DNMT3A: variants seen among roughly 807,000 people sequenced by gnomAD.
The protein encoded by DNMT3A is DNA methyltransferase 3 alpha.
Under a neutral mutation model 117.6 loss-of-function variants are expected in DNMT3A, and 267 were observed. The ratio of observed to expected loss-of-function variants is 2.27; its 90% CI spans 2.05 to 2.51. The LOEUF (loss-of-function observed/expected upper bound fraction) is 2.51. Ranked by LOEUF, DNMT3A falls within the 30% of genes most tolerant of loss-of-function variation. The probability of loss-of-function intolerance (pLI) is 0.00; values close to 1 mark genes in which losing one functional copy is unlikely to be tolerated. For synonymous variants in DNMT3A, 432 were observed against 474.8 expected (o/e 0.91, Z 1.17); for missense variants, 1,029 against 1,260.2 (o/e 0.82, Z 2.78).
intron 1 of DNMT3A, among the ~76,000 whole-genome samples, chr2:25,326,987 G>A (rs1033811799): frequency 6.6e-6 from 1 of 152,228 alleles, no homozygotes; most frequent in African/African-American, 2.4e-5. Flanking sequence ...AAATTCCAGA[G>A]GGTGGATTTC....
At chr2:25,249,581 C>T in intron 6 of DNMT3A, 1 of 1,538,686 alleles carries the variant, frequency 6.5e-7, no homozygotes. Context: ...ACCAGGCGTG[C>T]TCTCTGCCAT....
intron 1 of DNMT3A, chr2:25,328,710 C>T (rs1376847696): frequency 2.0e-6 from 1 of 511,954 alleles, no homozygotes; most frequent in Non-Finnish European, 4.0e-6. Context: ...CTAGAGCGAC[C>T]CCCCACAATC....
At chr2:25,328,842 TC>T (rs2034896617) in intron 1 of DNMT3A, 1 of 400,114 alleles carries the variant, frequency 2.5e-6, no homozygotes, top group South Asian at 1.8e-5. Context: ...CTGCCCCAGA[TC>T]CCCAAGGTGA....
At chr2:25,272,998 G>C (rs1244352891) in intron 6 of DNMT3A, among the ~76,000 whole-genome samples, 17 of 32,486 alleles carry the variant, frequency 5.2e-4, no homozygotes, top group Non-Finnish European at 8.1e-4. Context: ...TTTTGAGACA[G>C]AGTTTTGCTC....
In DNMT3A at chr2:25,298,879, C is replaced by G. The variant is rs1164926656; in HGVS notation, c.177+1260G>C. Among the ~76,000 whole-genome samples, 10 of 151,980 alleles carry G rather than the reference C, an allele frequency of 6.6e-5. No homozygotes were observed. Among genetic ancestry groups the G allele is most frequent in the African/African-American group, 2.2e-4 (9 of 41,354 alleles). On this transcript the variant is annotated intron_variant, in intron 3 of 22. Coordinates refer to ENST00000321117, the MANE Select transcript of DNMT3A (RefSeq NM_022552.5). This position sits in a 1 kb window ranked among gnomAD's most constrained non-coding sequence, Gnocchi z 4.3. ...GCCTCAAATCTTCAGGCAGAACTGG[C>G]AGGGGTGCATCTCAGTACACAGCAG...
chr2:25,257,136 G>T lies in DNMT3A; in HGVS notation c.640-8884C>A, dbSNP rs1296674826. Among the ~76,000 whole-genome samples, 1 of 152,208 alleles carries T rather than the reference G, an allele frequency of 6.6e-6. No individual in the cohort carries two copies. Among genetic ancestry groups the T allele is most frequent in the Admixed American group, 6.5e-5 (1 of 15,288 alleles). On this transcript the variant is annotated intron_variant, in intron 6 of 22. Transcript: ENST00000321117. The surrounding 1 kb of genome is among the most constrained non-coding windows in gnomAD (Gnocchi z 4.8). The stretch of plus-strand genomic sequence containing the variant: ...GTTGCAAGCAAATGACCAGGACTGG[G>T]CTGCTGGCAGTGAAGCTAAAAATAG...
At chr2:25,312,404 T>A (rs985115575) in intron 2 of DNMT3A, among the ~76,000 whole-genome samples, 8 of 152,226 alleles carry the variant, frequency 5.3e-5, no homozygotes, top group East Asian at 1.9e-4. Flanking sequence ...CCGCAGCGCA[T>A]GCTGGCTTTC....
intron 3 of DNMT3A, among the ~76,000 whole-genome samples, chr2:25,283,721 C>A (rs896536722): frequency 3.3e-5 from 5 of 152,226 alleles, no homozygotes; most frequent in Non-Finnish European, 5.9e-5. Flanking sequence ...CAAGGGAAAT[C>A]ATTTCTTTAT....
intron 1 of DNMT3A, among the ~76,000 whole-genome samples, chr2:25,340,137 C>A (rs2035359394): frequency 6.6e-6 from 1 of 152,100 alleles, no homozygotes; most frequent in South Asian, 2.1e-4. Flanking sequence ...TCGGCCCTGC[C>A]CACCCTCCCG....
rs79729643 is a variant in DNMT3A at position 25,306,085 on chromosome 2, G to A, written c.73-5842C>T. Among the ~76,000 whole-genome samples the A allele has an allele frequency of 2.0e-5, 3 of 152,192 alleles. No individual in the cohort carries two copies. Among genetic ancestry groups the A allele is most frequent in the African/African-American group, 4.8e-5 (2 of 41,448 alleles). ...CTGTGGTCATGGAATTCAGTGAAACGAATTGGCTTCTGCAAGAGGCAGAGC... is the reference window on the plus strand; with the variant it reads ...CTGTGGTCATGGAATTCAGTGAAACAAATTGGCTTCTGCAAGAGGCAGAGC... On this transcript the variant is annotated intron_variant, in intron 2 of 22. Coordinates refer to ENST00000321117, the MANE Select transcript of DNMT3A (RefSeq NM_022552.5). This position sits in a 1 kb window ranked among gnomAD's most constrained non-coding sequence, Gnocchi z 4.1.
rs909373509 is a variant in DNMT3A, at chr2:25,293,786, C to G, written c.177+6353G>C. 6.6e-6 allele frequency among the ~76,000 whole-genome samples: 1 copy of G among 152,226 alleles called. No individual in the cohort carries two copies. Among genetic ancestry groups the G allele is most frequent in the Non-Finnish European group, 1.5e-5 (1 of 68,040 alleles). On this transcript the variant is annotated intron_variant, in intron 3 of 22. Transcript: ENST00000321117. The surrounding 1 kb of genome is among the most constrained non-coding windows in gnomAD (Gnocchi z 4.7). Reference sequence around the variant, plus strand: ...TGCCCAGGTTCAAGCGATTCTCGTGCCTCAGCCTCCTGGGCAGCTGGGACC... The same window carrying G: ...TGCCCAGGTTCAAGCGATTCTCGTGGCTCAGCCTCCTGGGCAGCTGGGACC...
At chr2:25,273,209 T>C (rs1260324524) in intron 6 of DNMT3A, among the ~76,000 whole-genome samples, 1 of 151,322 alleles carries the variant, frequency 6.6e-6, no homozygotes, top group Non-Finnish European at 1.5e-5. Flanking sequence ...CTCCTGACCT[T>C]AGGTGATCCG....
intron 6 of DNMT3A, among the ~76,000 whole-genome samples, chr2:25,264,443 G>T (rs1355657565): frequency 6.7e-6 from 1 of 149,298 alleles, no homozygotes; most frequent in African/African-American, 2.5e-5. Flanking sequence ...CTGGGCCAAA[G>T]GTTTTTTTTT....
chr2:25,300,687 AT>A (rs2033401007), intron 2 of DNMT3A, among the ~76,000 whole-genome samples: 1 of 79,822 alleles, frequency 1.3e-5, no homozygotes, highest in Non-Finnish European at 2.4e-5. Flanking sequence ...ATATTTAGAT[AT>A]ATATTTATAT....
Position 25,243,915 on chromosome 2 carries a change from AAG to A in DNMT3A, c.1917_1918del (p.Phe640Ter). Reference sequence around the variant, plus strand: ...CCCCTCACCTGTAGCGATTCCATCAAAGAGAGACAGCACCCGGATGGGCTTCC... The same window carrying A: ...CCCCTCACCTGTAGCGATTCCATCAAAGAGACAGCACCCGGATGGGCTTCC... On this transcript the variant is annotated frameshift_variant, in exon 16 of 23. Transcript: ENST00000321117. LOFTEE classifies it high-confidence loss of function. The A allele has an allele frequency of 6.4e-7, 1 of 1,552,038 alleles. No individual in the cohort carries two copies. Among genetic ancestry groups the A allele is most frequent in the South Asian group, 1.2e-5 (1 of 84,076 alleles).
In DNMT3A at chr2:25,240,404, A is replaced by G. The variant is rs1417020441; in HGVS notation, c.2220T>C (p.Asp740=). 1.9e-6 allele frequency: 3 copies of G among 1,613,714 alleles called. No individual in the cohort carries two copies. ...GATCATCTCCCTCCTTGGGCCGCGCATCATGCAGGAGGCGGTAGAACTCAA... is the reference window on the plus strand; with the variant it reads ...GATCATCTCCCTCCTTGGGCCGCGCGTCATGCAGGAGGCGGTAGAACTCAA... ...LFFEFYRLLH[D]ARPKEGDDRP... is the part of the protein sequence containing the mutation. The change falls in exon 19 of 23, where the codon GAT becomes GAC. Residue 740 remains aspartate (D), a synonymous_variant. Coordinates refer to ENST00000321117, the MANE Select transcript of DNMT3A (RefSeq NM_022552.5).
chr2:25,278,828 T>TC lies in DNMT3A; in HGVS notation c.449-3286dup, dbSNP rs542961314. Among the ~76,000 whole-genome samples, 221 of 145,838 alleles carry TC rather than the reference T, an allele frequency of 1.5e-3. 1 individual carries two copies. Among genetic ancestry groups the TC allele is most frequent in the African/African-American group, 5.3e-3 (203 of 38,370 alleles). ...GCGACAGAGTGAATGAGACGCTGTC[T>TC]CAAAAAAAAAAAAAAATCTTCCTCC... On this transcript the variant is annotated intron_variant, in intron 4 of 22. Coordinates refer to ENST00000321117, the MANE Select transcript of DNMT3A (RefSeq NM_022552.5).
At chr2:25,267,557 G>A (rs1226832929) in intron 6 of DNMT3A, among the ~76,000 whole-genome samples, 1 of 152,212 alleles carries the variant, frequency 6.6e-6, no homozygotes, top group Non-Finnish European at 1.5e-5. Context: ...CTGGCCAATG[G>A]AGCAGGACCC....
intron 1 of DNMT3A, among the ~76,000 whole-genome samples, chr2:25,340,209 C>T (rs1239872875): frequency 6.6e-6 from 1 of 152,144 alleles, no homozygotes; most frequent in African/African-American, 2.4e-5. Flanking sequence ...AAGGTGCAGC[C>T]GCAGGGGGCT....
Sources: gnomAD v4.1 joint callset for allele counts (sites outside exome capture counted in the v4.1 genomes callset) on GRCh38, gnomAD v4.1.1 for gene constraint, Gnocchi (gnomAD v3.1) non-coding constraint, MANE v1.5 for transcripts, NCBI Gene and HGNC (gene_info 2026-07-23, HGNC 2026-07-21) for gene names.